VLDLR: variants seen among roughly 807,000 people sequenced by gnomAD.
VLDLR encodes very low-density lipoprotein receptor.
A neutral mutation model predicts 112.7 loss-of-function variants in VLDLR; 81 were observed. That is an observed-to-expected ratio of 0.72 (90% CI 0.60 to 0.86). The LOEUF (loss-of-function observed/expected upper bound fraction) is 0.86, where lower values mean the gene tolerates loss of function less well. Ranked by LOEUF, VLDLR falls within the 40% of genes least tolerant of loss-of-function variation. The pLI, the probability that VLDLR is intolerant of heterozygous loss-of-function variation, is 0.00. For synonymous variants in VLDLR, 436 were observed against 384.8 expected (o/e 1.13, Z -1.56); for missense variants, 1,237 against 1,099.4 (o/e 1.13, Z -1.77).
At chr9:2,646,101 C>T (rs2130797377) in intron 10 of VLDLR, among the ~76,000 whole-genome samples, 1 of 151,956 alleles carries the variant, frequency 6.6e-6, no homozygotes, top group Non-Finnish European at 1.5e-5. Context: ...AATAGCTTCA[C>T]TTAGAAATTT....
At chr9:2,639,597 G>T (rs998341661) in intron 2 of VLDLR, among the ~76,000 whole-genome samples, 1 of 152,140 alleles carries the variant, frequency 6.6e-6, no homozygotes, top group Admixed American at 6.5e-5. Flanking sequence ...TAAATGTAAG[G>T]TATCTCCGAG....
At chr9:2,622,514 C>T (rs2130749264) in intron 1 of VLDLR, 2 of 435,256 alleles carry the variant, frequency 4.6e-6, no homozygotes, top group East Asian at 3.7e-5. Flanking sequence ...TAGTCTTCTG[C>T]CCCTCACTCC....
At chr9:2,633,528 T>G (rs1432280428) in intron 1 of VLDLR, among the ~76,000 whole-genome samples, 1 of 152,166 alleles carries the variant, frequency 6.6e-6, no homozygotes, top group Non-Finnish European at 1.5e-5. Flanking sequence ...TCAAATCTGA[T>G]TACAAGGTTT....
chr9:2,648,390 A>G (rs376689869), intron 13 of VLDLR, 43 bp downstream of exon 13: 73 of 1,613,090 alleles, frequency 4.5e-5, no homozygotes, highest in Middle Eastern at 3.3e-4. Context: ...TTGAGCTACT[A>G]TATCACTTTG....
chr9:2,630,351 G>T (rs1306224073), intron 1 of VLDLR, among the ~76,000 whole-genome samples: 1 of 152,108 alleles, frequency 6.6e-6, no homozygotes, highest in African/African-American at 2.4e-5. Context: ...GCCCTTGGTG[G>T]CCCCAGAAGT....
chr9:2,644,325 A>ATTTTTTTTTTTTTT (rs374242751), intron 7 of VLDLR, among the ~76,000 whole-genome samples: 1 of 122,992 alleles, frequency 8.1e-6, no homozygotes, highest in African/African-American at 3.2e-5. Context: ...CGCCCGGCTA[A>ATTTTTTTTTTTTTT]TTTTTTTTTT....
chr9:2,638,102 T>G (rs1817676164), intron 2 of VLDLR, among the ~76,000 whole-genome samples: 1 of 152,230 alleles, frequency 6.6e-6, no homozygotes, highest in South Asian at 2.1e-4. Flanking sequence ...TCCTCCATGC[T>G]CAGGAGAACA....
Position 2,657,713 on chromosome 9 carries a change from T to A in VLDLR, c.*3845T>A, listed in dbSNP as rs1424143942. The stretch of plus-strand genomic sequence containing the variant: ...CCAAGTGTGCACACTTAGCCCTGGT[T>A]GAGGTGCATTGTCTGCTGTCGTCTG... On this transcript the variant is annotated 3_prime_UTR_variant, in exon 19 of 19. Coordinates refer to ENST00000382100, the MANE Select transcript of VLDLR (RefSeq NM_003383.5). 1 of 152,254 alleles carries A rather than the reference T, an allele frequency of 6.6e-6. No homozygotes were observed. Among genetic ancestry groups the A allele is most frequent in the East Asian group, 1.9e-4 (1 of 5,204 alleles). The allele number at this position is 152,254 out of a possible 1,614,324, so 9.4% of individuals were successfully genotyped here. A position where few individuals can be genotyped will look rare whatever the true frequency, so the allele number is the denominator to read the frequency against.
chr9:2,625,649 C>T (rs1456152635), intron 1 of VLDLR, among the ~76,000 whole-genome samples: 1 of 152,194 alleles, frequency 6.6e-6, no homozygotes, highest in Non-Finnish European at 1.5e-5. Context: ...AATACAACTG[C>T]CCTCTACATG....
In VLDLR at chr9:2,651,482, T is replaced by C; in HGVS notation, c.2319T>C (p.Ser773=). 6.2e-7 allele frequency: 1 copy of C among 1,613,928 alleles called. No homozygotes were observed. The highest frequency in any genetic ancestry group is 8.5e-7 in the Non-Finnish European group (1 of 1,179,914). ...DTNTTEISAT[S]GLVPGGINVT... Reference sequence around the variant, plus strand: ...ACACAACAGAAATTTCAGCAACTAGTGGACTAGTTCCTGGAGGTATTGAGT... The same window carrying C: ...ACACAACAGAAATTTCAGCAACTAGCGGACTAGTTCCTGGAGGTATTGAGT... Residue 773 remains serine (S), a synonymous_variant, in exon 16 of 19, where the codon AGT becomes AGC. Coordinates refer to ENST00000382100, the MANE Select transcript of VLDLR (RefSeq NM_003383.5).
In VLDLR at chr9:2,654,156, A is replaced by G. The variant is rs1818493367; in HGVS notation, c.*288A>G. ...AAATATGCACTTTCCCTAGAAAGCC[A>G]TATTCCAGCAGTGAAACTTGTGCTA... On this transcript the variant is annotated 3_prime_UTR_variant, in exon 19 of 19. Coordinates refer to ENST00000382100, the MANE Select transcript of VLDLR (RefSeq NM_003383.5). 1 of 441,128 alleles carries G rather than the reference A, an allele frequency of 2.3e-6. No individual in the cohort carries two copies. Among genetic ancestry groups the G allele is most frequent in the African/African-American group, 2.0e-5 (1 of 49,996 alleles). The allele number at this position is 441,128 out of a possible 1,614,324, so 27.3% of individuals were successfully genotyped here. A position where few individuals can be genotyped will look rare whatever the true frequency, so the allele number is the denominator to read the frequency against.
intron 1 of VLDLR, 34 bp downstream of exon 1, chr9:2,622,305 G>T: frequency 2.1e-6 from 3 of 1,437,986 alleles, no homozygotes; most frequent in Non-Finnish European, 2.7e-6. Flanking sequence ...CCGGCGGGCG[G>T]GACCCAGCCG....
chr9:2,641,810 A>C (rs1817841092), intron 4 of VLDLR, among the ~76,000 whole-genome samples: 3 of 152,142 alleles, frequency 2.0e-5, no homozygotes. Context: ...ACAGTAATTC[A>C]TGTGTCTTTT....
chr9:2,656,812 G>A lies in VLDLR; in HGVS notation c.*2944G>A, dbSNP rs1019258754. ...CAAGTTCCTCTGTCCAAATTTTTAA[G>A]TGCCCTTTGCAAGCTAATCTATTTG... On this transcript the variant is annotated 3_prime_UTR_variant, in exon 19 of 19. Transcript: ENST00000382100. 1.3e-5 allele frequency: 2 copies of A among 151,938 alleles called. No homozygotes were observed. Among genetic ancestry groups the A allele is most frequent in the Non-Finnish European group, 2.9e-5 (2 of 67,988 alleles). 9.4% of individuals were successfully genotyped at this position (151,938 alleles called of 1,614,324 possible).
intron 1 of VLDLR, 32 bp downstream of exon 1, chr9:2,622,303 C>G: frequency 6.9e-7 from 1 of 1,441,172 alleles, no homozygotes. Flanking sequence ...CGCCGGCGGG[C>G]GGGACCCAGC....
chr9:2,651,706 A>C (rs987147098), intron 16 of VLDLR, among the ~76,000 whole-genome samples, 168 bp from the exon 17 acceptor site: 1 of 152,224 alleles, frequency 6.6e-6, no homozygotes, highest in African/African-American at 2.4e-5. Context: ...AATGGCTACT[A>C]CAGCATGTGA....
chr9:2,626,758 A>T (rs948819322), intron 1 of VLDLR, among the ~76,000 whole-genome samples: 1 of 152,192 alleles, frequency 6.6e-6, no homozygotes, highest in Admixed American at 6.5e-5. Context: ...CAATTTGCCA[A>T]CCAAGGGACA....
chr9:2,635,636 T>C lies in VLDLR; in HGVS notation c.202+64T>C, dbSNP rs375125270. 8.7e-6 allele frequency: 14 copies of C among 1,608,062 alleles called. No individual in the cohort carries two copies. In the Middle Eastern group the frequency reaches 6.6e-4, roughly 76 times the overall value. On this transcript the variant is annotated intron_variant, in intron 2 of 18. Transcript: ENST00000382100. Reference sequence around the variant, plus strand: ...ATATGATGTTATCTTAGTCTGCAAATGTATTGAGATTCTGAAAATAAAATC... The same window carrying C: ...ATATGATGTTATCTTAGTCTGCAAACGTATTGAGATTCTGAAAATAAAATC...
At chr9:2,638,506 G>C (rs1355533804) in intron 2 of VLDLR, among the ~76,000 whole-genome samples, 2 of 152,048 alleles carry the variant, frequency 1.3e-5, no homozygotes, top group Non-Finnish European at 2.9e-5. Context: ...TGGGTAGAAG[G>C]TATAAGCATA....
Sources: allele counts gnomAD v4.1 joint callset (sites outside exome capture counted in the v4.1 genomes callset), GRCh38; gene constraint gnomAD v4.1.1; transcripts MANE v1.5; gene names NCBI Gene and HGNC (gene_info 2026-07-23, HGNC 2026-07-21).